ECD: variants seen among roughly 807,000 people sequenced by gnomAD.
ECD encodes the protein ecdysoneless cell cycle regulator, also known as protein ecdysoneless homolog.
Under a neutral mutation model 77.2 loss-of-function variants are expected in ECD, and 59 were observed. That is an observed-to-expected ratio of 0.76 (90% CI 0.62 to 0.95). ECD has a LOEUF of 0.95. Among genes scored for constraint, ECD ranks in the 40% least tolerant of loss-of-function variants. The pLI is 0.00. For synonymous variants in ECD, 233 were observed against 267.4 expected, an observed-to-expected ratio of 0.87 and a Z score of 1.26; for missense variants, 704 against 763.4, an observed-to-expected ratio of 0.92 and a Z score of 0.92.
chr10:73,158,948 A>G (rs77786996), intron 3 of ECD, among the ~76,000 whole-genome samples: 7,133 of 152,140 alleles, frequency 0.047, 532 homozygotes, highest in African/African-American at 0.16. Flanking sequence ...ATAAAAATAA[A>G]ATGAGTTATC....
intron 6 of ECD, among the ~76,000 whole-genome samples, chr10:73,153,643 T>C (rs1167489827): frequency 3.4e-5 from 5 of 148,324 alleles, no homozygotes; most frequent in Admixed American, 2.7e-4. Context: ...GGAGAATCGC[T>C]TGAGCCCAGG....
intron 9 of ECD, among the ~76,000 whole-genome samples, chr10:73,145,932 C>T (rs945425881): frequency 2.0e-5 from 3 of 151,914 alleles, no homozygotes; most frequent in African/African-American, 4.8e-5. Context: ...CGTGAGCCAC[C>T]GCGCCTGGCC....
chr10:73,166,498 C>T (rs781520062), intron 1 of ECD, among the ~76,000 whole-genome samples: 3 of 152,162 alleles, frequency 2.0e-5, no homozygotes, highest in Non-Finnish European at 4.4e-5. Context: ...TTATGGATAA[C>T]AGCCATTTTA....
intron 6 of ECD, among the ~76,000 whole-genome samples, chr10:73,152,798 G>C (rs1843231116): frequency 6.6e-6 from 1 of 152,012 alleles, no homozygotes; most frequent in African/African-American, 2.4e-5. Context: ...TCTAATCCCA[G>C]CTACTCGGGA....
At chr10:73,141,436 CAGG>C (rs1843056349) in intron 9 of ECD, 1 of 163,792 alleles carries the variant, frequency 6.1e-6, no homozygotes, top group Admixed American at 6.4e-5. Context: ...GGCGTGAACC[CAGG>C]AGGTGGAGCT....
intron 6 of ECD, among the ~76,000 whole-genome samples, chr10:73,153,486 C>T (rs1294863726): frequency 1.3e-5 from 2 of 151,360 alleles, no homozygotes; most frequent in African/African-American, 2.4e-5. Context: ...CCTGTAATCC[C>T]AGCACTTTGG....
chr10:73,155,608 T>TC (rs1202479788), intron 5 of ECD, among the ~76,000 whole-genome samples: 1 of 147,978 alleles, frequency 6.8e-6, no homozygotes, highest in Non-Finnish European at 1.5e-5. Flanking sequence ...TTTTTTTTTT[T>TC]TTTTTTTTGA....
intron 3 of ECD, among the ~76,000 whole-genome samples, chr10:73,159,928 C>A (rs1366595399): frequency 6.6e-6 from 1 of 151,188 alleles, no homozygotes; most frequent in South Asian, 2.1e-4. Context: ...GTGTGAGCCA[C>A]CGCGCCTGGC....
At chr10:73,163,973 T>A (rs752448507) in intron 1 of ECD, 23 bp from the exon 2 acceptor site, 16 of 1,592,450 alleles carry the variant, frequency 1.0e-5, no homozygotes, top group Admixed American at 3.4e-5. Context: ...TTCCAAAATA[T>A]AAACCACATA....
chr10:73,136,930 C>G lies in ECD; in HGVS notation c.1490-12G>C, dbSNP rs778236684. 6.9e-7 allele frequency: 1 copy of G among 1,442,688 alleles called. No homozygotes were observed. The highest frequency in any genetic ancestry group is 2.6e-5 in the East Asian group (1 of 38,472). 89.4% of individuals were successfully genotyped at this position (1,442,688 alleles called of 1,614,324 possible). On this transcript the variant is annotated splice_polypyrimidine_tract_variant and intron_variant, in intron 12 of 13. Coordinates refer to ENST00000372979, the MANE Select transcript of ECD (RefSeq NM_007265.3). Reference sequence around the variant, plus strand: ...ATTAGGCCTTGGCCCTACACAGATCCCAAGAAAGAAAGAGCCACTTAGTAA... The same window carrying G: ...ATTAGGCCTTGGCCCTACACAGATCGCAAGAAAGAAAGAGCCACTTAGTAA...
At chr10:73,142,449 A>G (rs576729113) in intron 9 of ECD, among the ~76,000 whole-genome samples, 215 of 151,788 alleles carry the variant, frequency 1.4e-3, no homozygotes, top group South Asian at 4.9e-3. Context: ...CCTGGCCAAC[A>G]TGGTGAAACC....
rs1256256155 is a variant in ECD at position 73,153,564 on chromosome 10, C to T, written c.783+692G>A. Among the ~76,000 whole-genome samples, 5 of 150,808 alleles carry T rather than the reference C, an allele frequency of 3.3e-5. No homozygotes were observed. In the East Asian group the frequency reaches 9.7e-4, roughly 29 times the overall value. On this transcript the variant is annotated intron_variant, in intron 6 of 13. Transcript: ENST00000372979. Reference sequence around the variant, plus strand: ...CCAGTCTGGCCAACATGGCGAAACACCATCTAAAAATAAAAAAATCAGCTG... The same window carrying T: ...CCAGTCTGGCCAACATGGCGAAACATCATCTAAAAATAAAAAAATCAGCTG...
At chr10:73,153,303 G>A (rs1470909706) in intron 6 of ECD, among the ~76,000 whole-genome samples, 2 of 152,080 alleles carry the variant, frequency 1.3e-5, no homozygotes, top group East Asian at 2.0e-4. Context: ...ATGTTGCCCA[G>A]TCTGGTCTCA....
chr10:73,156,638 C>G lies in ECD; in HGVS notation c.341G>C (p.Gly114Ala). 6.2e-7 allele frequency: 1 copy of G among 1,613,594 alleles called. No homozygotes were observed. The highest frequency in any genetic ancestry group is 1.8e-4 in the Middle Eastern group (1 of 5,630). The change falls in exon 4 of 14, where the codon GGT becomes GCT. Residue 114 changes from glycine to alanine, a missense_variant. Transcript: ENST00000372979. ...AGCAGCTTCTATTAACAAGAATTCA[C>G]CATCATTGTCTTCAATCCTAATGCA... The part of the protein sequence containing the change: ...ELVARIEDND[G>A]EFLLIEAADF...
At chr10:73,164,212 T>A (rs992298241) in intron 1 of ECD, among the ~76,000 whole-genome samples, 2 of 151,358 alleles carry the variant, frequency 1.3e-5, no homozygotes, top group Admixed American at 6.6e-5. Context: ...ATTAGCTGGG[T>A]GTGGTGGCAT....
intron 9 of ECD, among the ~76,000 whole-genome samples, chr10:73,142,253 C>T (rs1292232800): frequency 6.6e-6 from 1 of 151,912 alleles, no homozygotes; most frequent in African/African-American, 2.4e-5. Context: ...AGGTGATTCA[C>T]CCATCTCGGT....
At position 73,136,684 on chromosome 10, in the gene ECD, G is replaced by A. The variant is rs1842976880; in HGVS notation, c.1704+20C>T. The A allele has an allele frequency of 1.2e-6, 2 of 1,609,102 alleles. No individual in the cohort carries two copies. The highest frequency in any genetic ancestry group is 4.5e-5 in the East Asian group (2 of 44,742). On this transcript the variant is annotated intron_variant, in intron 13 of 13. Coordinates refer to ENST00000372979, the MANE Select transcript of ECD (RefSeq NM_007265.3). ...GACATACTAGACTCAGAAAGAGAAA[G>A]AGGTTAAAAACACACATACCACTTG...
rs976293615 is a variant in ECD, at chr10:73,142,588, C to T, written c.1128-2851G>A. On this transcript the variant is annotated intron_variant, in intron 9 of 13. Coordinates refer to ENST00000372979, the MANE Select transcript of ECD (RefSeq NM_007265.3). ...GGTGGAGGCTGCGGTGAGCTGAGAT[C>T]GTGCCACTACACTCCAGCCTGGTGA... Among the ~76,000 whole-genome samples, 15 of 145,004 alleles carry T rather than the reference C, an allele frequency of 1.0e-4. No homozygotes were observed. In the South Asian group the frequency reaches 2.2e-3, roughly 21 times the overall value.
At chr10:73,154,195 T>C in intron 6 of ECD, 61 bp downstream of exon 6, 1 of 1,476,684 alleles carries the variant, frequency 6.8e-7, no homozygotes, top group South Asian at 1.4e-5. Context: ...AAGAAAAAAA[T>C]AATAATGTTT....
Sources: gnomAD v4.1 joint callset for allele counts (sites outside exome capture counted in the v4.1 genomes callset) on GRCh38, gnomAD v4.1.1 for gene constraint, MANE v1.5 for transcripts, NCBI Gene and HGNC (gene_info 2026-07-23, HGNC 2026-07-21) for gene names.